CSGALNACT1: variants seen among roughly 807,000 people sequenced by gnomAD.
The protein encoded by CSGALNACT1 is beta4GalNAcT-1.
A neutral mutation model predicts 51.0 loss-of-function variants in CSGALNACT1; 52 were observed. The observed-to-expected ratio is 1.02, with a 90% CI of 0.82 to 1.29. The LOEUF (loss-of-function observed/expected upper bound fraction) is 1.29, where lower values mean the gene tolerates loss of function less well. Among genes scored for constraint, CSGALNACT1 ranks in the 50% most tolerant of loss-of-function variants. The pLI is 0.00. For synonymous variants in CSGALNACT1, 341 were observed against 254.4 expected, an observed-to-expected ratio of 1.34 and a Z score of -3.24; for missense variants, 935 against 679.2, an observed-to-expected ratio of 1.38 and a Z score of -4.19.
intron 3 of CSGALNACT1, among the ~76,000 whole-genome samples, chr8:19,556,998 G>C (rs1317264199): frequency 6.8e-6 from 1 of 146,518 alleles, no homozygotes; most frequent in Non-Finnish European, 1.5e-5. Context: ...AAAAAAAAAA[G>C]TCTTCAACCT....
At chr8:19,715,018 C>A (rs1242697248) in intron 1 of CSGALNACT1, among the ~76,000 whole-genome samples, 1 of 152,088 alleles carries the variant, frequency 6.6e-6, no homozygotes, top group East Asian at 1.9e-4. Context: ...TAAAGACATA[C>A]CTAAGACTGG....
At chr8:19,491,606 C>G (rs572474939) in intron 4 of CSGALNACT1, among the ~76,000 whole-genome samples, 14 of 152,222 alleles carry the variant, frequency 9.2e-5, no homozygotes, top group African/African-American at 3.4e-4. Context: ...ATTTGTATAT[C>G]AGATATCTGT....
intron 4 of CSGALNACT1, among the ~76,000 whole-genome samples, chr8:19,461,784 C>CGTT (rs2065541374): frequency 6.8e-6 from 1 of 147,108 alleles, no homozygotes; most frequent in African/African-American, 2.6e-5. Context: ...ACAGCAGCCA[C>CGTT]ATTCACCATG....
intron 3 of CSGALNACT1, among the ~76,000 whole-genome samples, chr8:19,574,204 C>A (rs1171599097): frequency 6.6e-6 from 1 of 152,212 alleles, no homozygotes; most frequent in African/African-American, 2.4e-5. Flanking sequence ...CAAGCCACTG[C>A]ACCCAGCTGG....
At chr8:19,545,003 ATT>A (rs530577048) in intron 3 of CSGALNACT1, among the ~76,000 whole-genome samples, 6 of 148,356 alleles carry the variant, frequency 4.0e-5, no homozygotes, top group Admixed American at 6.7e-5. Flanking sequence ...CCTTTCAGAC[ATT>A]TTTTTTTTTT....
chr8:19,482,775 A>C (rs1039131388), intron 4 of CSGALNACT1, among the ~76,000 whole-genome samples: 2 of 152,186 alleles, frequency 1.3e-5, no homozygotes, highest in Non-Finnish European at 2.9e-5. Flanking sequence ...TGCATCAATA[A>C]GTCCTAACCC....
rs930290996 is a variant in CSGALNACT1 at position 19,669,073 on chromosome 8, A to G, written c.-544+13400T>C. 3.3e-5 allele frequency among the ~76,000 whole-genome samples: 5 copies of G among 152,378 alleles called. No homozygotes were observed. The South Asian group carries it at 1.0e-3, about 32-fold the overall frequency. On this transcript the variant is annotated intron_variant, in intron 1 of 9. Coordinates refer to the CSGALNACT1 transcript ENST00000332246. ...TTCTGTGTAAAACAAAAGGTCTCAGATACAGCAGGCTTCTTGGAGTCTAGA... is the reference window on the plus strand; with the variant it reads ...TTCTGTGTAAAACAAAAGGTCTCAGGTACAGCAGGCTTCTTGGAGTCTAGA...
chr8:19,427,478 G>A (rs2058946573), intron 6 of CSGALNACT1, among the ~76,000 whole-genome samples: 1 of 152,224 alleles, frequency 6.6e-6, no homozygotes, highest in African/African-American at 2.4e-5. Context: ...CCTCCAGCAT[G>A]GAGTTTCCTT....
chr8:19,512,428 T>C (rs570253936), intron 3 of CSGALNACT1, among the ~76,000 whole-genome samples: 27 of 152,356 alleles, frequency 1.8e-4, no homozygotes, highest in African/African-American at 6.3e-4. Flanking sequence ...AGATAATAAA[T>C]GTTTGTTACT....
chr8:19,604,820 C>T (rs967111870), upstream of CSGALNACT1, among the ~76,000 whole-genome samples: 24 of 146,416 alleles, frequency 1.6e-4, no homozygotes, highest in Non-Finnish European at 1.5e-5. Flanking sequence ...GAGGTTGAGG[C>T]GGGAGAATGG....
At chr8:19,442,891 T>C (rs1409112410) in intron 5 of CSGALNACT1, among the ~76,000 whole-genome samples, 1 of 152,140 alleles carries the variant, frequency 6.6e-6, no homozygotes, top group Non-Finnish European at 1.5e-5. Context: ...TAGAGTGCCT[T>C]GGAAGCACCC....
At chr8:19,404,302 G>A in exon 10 of CSGALNACT1, 1 of 452,710 alleles carries the variant, frequency 2.2e-6, no homozygotes, top group Non-Finnish European at 4.4e-6. Context: ...TGTTCTTGAA[G>A]CTTTTAAACA....
intron 4 of CSGALNACT1, among the ~76,000 whole-genome samples, chr8:19,490,663 T>A (rs1248944704): frequency 6.6e-6 from 1 of 152,142 alleles, no homozygotes; most frequent in Non-Finnish European, 1.5e-5. Context: ...GTAGTCTCCA[T>A]CACAATGCAG....
chr8:19,411,698 C>G (rs2055775760), intron 8 of CSGALNACT1, among the ~76,000 whole-genome samples: 1 of 152,230 alleles, frequency 6.6e-6, no homozygotes, highest in African/African-American at 2.4e-5. Context: ...TGTTCAAGCA[C>G]TGACAAGTGA....
chr8:19,454,901 G>T (rs547553680), intron 5 of CSGALNACT1, among the ~76,000 whole-genome samples: 8 of 152,218 alleles, frequency 5.3e-5, no homozygotes, highest in African/African-American at 1.9e-4. Flanking sequence ...TTTTCTTAAA[G>T]TTCAGCAAAT....
chr8:19,545,656 A>G (rs1436599034), intron 3 of CSGALNACT1, among the ~76,000 whole-genome samples: 3 of 152,044 alleles, frequency 2.0e-5, no homozygotes, highest in African/African-American at 7.2e-5. Context: ...TAGTAAAACA[A>G]TAAGGGAGAA....
intron 1 of CSGALNACT1, among the ~76,000 whole-genome samples, chr8:19,626,068 T>A (rs1249191201): frequency 6.6e-6 from 1 of 152,192 alleles, no homozygotes; most frequent in African/African-American, 2.4e-5. Flanking sequence ...ATACACAGGC[T>A]TCTTCTAAAA....
intron 3 of CSGALNACT1, among the ~76,000 whole-genome samples, chr8:19,559,510 A>G (rs1008265115): frequency 6.6e-6 from 1 of 152,236 alleles, no homozygotes. Flanking sequence ...TAAATGGTAC[A>G]AGGATTGGAA....
intron 3 of CSGALNACT1, among the ~76,000 whole-genome samples, chr8:19,531,257 T>C (rs1404548281): frequency 2.6e-5 from 4 of 152,124 alleles, no homozygotes; most frequent in Non-Finnish European, 5.9e-5. Flanking sequence ...ACAAGCTTCT[T>C]AAAAAGAATG....
Sources: allele counts gnomAD v4.1 joint callset (sites outside exome capture counted in the v4.1 genomes callset), GRCh38; gene constraint gnomAD v4.1.1; transcripts MANE v1.5; gene names NCBI Gene and HGNC (gene_info 2026-07-23, HGNC 2026-07-21).